The following NRXN1 variants were observed in gnomAD, a reference collection of about 807,000 sequenced individuals.
NRXN1 encodes the protein neurexin-1.
A neutral mutation model predicts 150.9 loss-of-function variants in NRXN1; 39 were observed. That is an observed-to-expected ratio of 0.26 (90% CI 0.20 to 0.34). The LOEUF (loss-of-function observed/expected upper bound fraction) is 0.34. NRXN1 is among the 10% of genes least tolerant of loss of function. The pLI is 1.00. For synonymous variants in NRXN1, 924 were observed against 757.0 expected, an observed-to-expected ratio of 1.22 and a Z score of -3.62; for missense variants, 1,815 against 1,949.9, an observed-to-expected ratio of 0.93 and a Z score of 1.30.
At chr2:50,181,326 A>G (rs568413786) in intron 18 of NRXN1, among the ~76,000 whole-genome samples, 2 of 151,582 alleles carry the variant, frequency 1.3e-5, no homozygotes, top group Non-Finnish European at 2.9e-5. Context: ...AAAAAAAAAT[A>G]CCCTGTTTAT....
In NRXN1 at chr2:50,069,865, T is replaced by G. The variant is rs992566849; in HGVS notation, c.3719-14821A>C. Among the ~76,000 whole-genome samples the G allele has an allele frequency of 3.7e-4, 56 of 150,654 alleles. 1 individual carries two copies. The East Asian group carries it at 0.01, about 28-fold the overall frequency. On this transcript the variant is annotated intron_variant, in intron 19 of 22. Transcript: ENST00000401669. ...TTTGGGGGTTTTTTTTTTTTTTTTT[T>G]TTTGAGACAGAGTCTCGCTCTGTCA...
chr2:50,758,067 G>T (rs1574371742), intron 5 of NRXN1: 1 of 151,790 alleles, frequency 6.6e-6, no homozygotes, highest in African/African-American at 2.4e-5. Flanking sequence ...CTTTATTGAA[G>T]ATATGTCTGG....
intron 21 of NRXN1, among the ~76,000 whole-genome samples, chr2:50,029,011 A>T (rs1185110688): frequency 6.6e-6 from 1 of 152,208 alleles, no homozygotes; most frequent in Non-Finnish European, 1.5e-5. Flanking sequence ...TTTTCCCCAA[A>T]TTCATATGTT....
intron 17 of NRXN1, among the ~76,000 whole-genome samples, chr2:50,449,165 T>G (rs1047916713): frequency 6.6e-6 from 1 of 152,196 alleles, no homozygotes; most frequent in Non-Finnish European, 1.5e-5. Context: ...GACGCAGGAA[T>G]GCAGGAATTG....
At chr2:50,289,246 CA>C (rs1372768420) in intron 17 of NRXN1, among the ~76,000 whole-genome samples, 1 of 152,094 alleles carries the variant, frequency 6.6e-6, no homozygotes, top group African/African-American at 2.4e-5. Flanking sequence ...AACTAGCCAT[CA>C]AATAAGTTGA....
intron 21 of NRXN1, among the ~76,000 whole-genome samples, chr2:50,003,218 A>T (rs1042800249): frequency 6.6e-6 from 1 of 152,106 alleles, no homozygotes; most frequent in Non-Finnish European, 1.5e-5. Context: ...CTGTACCTAC[A>T]ACAGGTACAG....
intron 5 of NRXN1, among the ~76,000 whole-genome samples, chr2:50,650,278 T>C (rs1685420018): frequency 6.6e-6 from 1 of 152,022 alleles, no homozygotes; most frequent in South Asian, 2.1e-4. Context: ...ATATACATGA[T>C]AAAACATGAT....
intron 17 of NRXN1, among the ~76,000 whole-genome samples, chr2:50,423,719 G>A (rs971161859): frequency 2.6e-5 from 4 of 152,150 alleles, no homozygotes; most frequent in Non-Finnish European, 4.4e-5. Flanking sequence ...TGGTGATGGA[G>A]AGACACATGA....
intron 5 of NRXN1, among the ~76,000 whole-genome samples, chr2:50,642,258 A>G (rs1432906868): frequency 3.3e-5 from 5 of 152,066 alleles, no homozygotes. Context: ...GATATTTACA[A>G]TGCAAAGGGG....
At chr2:50,776,167 G>A (rs1330732430) in intron 5 of NRXN1, among the ~76,000 whole-genome samples, 1 of 151,990 alleles carries the variant, frequency 6.6e-6, no homozygotes, top group Non-Finnish European at 1.5e-5. Context: ...CAATTCCAGG[G>A]AAAACTTACA....
intron 17 of NRXN1, among the ~76,000 whole-genome samples, chr2:50,360,542 C>A (rs774913858): frequency 9.9e-5 from 15 of 152,134 alleles, no homozygotes; most frequent in Non-Finnish European, 1.8e-4. Context: ...GTAAAGGAAT[C>A]AATGCAACAA....
At chr2:50,594,239 T>C (rs1674781598) in intron 8 of NRXN1, among the ~76,000 whole-genome samples, 1 of 152,234 alleles carries the variant, frequency 6.6e-6, no homozygotes, top group Non-Finnish European at 1.5e-5. Context: ...ACTATAGATA[T>C]TCCCATACGG....
chr2:50,182,628 G>C (rs2060806441), intron 18 of NRXN1, among the ~76,000 whole-genome samples: 1 of 151,992 alleles, frequency 6.6e-6, no homozygotes, highest in African/African-American at 2.4e-5. Context: ...AGTGGCCCTG[G>C]TTGTCTTAAA....
intron 17 of NRXN1, among the ~76,000 whole-genome samples, chr2:50,287,534 T>C (rs2072353294): frequency 1.3e-5 from 2 of 151,988 alleles, no homozygotes; most frequent in African/African-American, 4.8e-5. Context: ...GCAAGTCTTA[T>C]TTCCCTAAGA....
At chr2:50,477,847 G>A (rs1426936854) in intron 15 of NRXN1, among the ~76,000 whole-genome samples, 1 of 152,188 alleles carries the variant, frequency 6.6e-6, no homozygotes, top group Non-Finnish European at 1.5e-5. Context: ...TAGAGAAAGT[G>A]CAATTCTAGA....
At chr2:50,683,884 T>C (rs1690838943) in intron 5 of NRXN1, among the ~76,000 whole-genome samples, 1 of 151,002 alleles carries the variant, frequency 6.6e-6, no homozygotes, top group African/African-American at 2.4e-5. Context: ...TTCAAAATGG[T>C]AAAAGGAGCA....
At chr2:49,946,498 G>A (rs1672917577) in intron 21 of NRXN1, among the ~76,000 whole-genome samples, 2 of 151,958 alleles carry the variant, frequency 1.3e-5, no homozygotes, top group African/African-American at 4.8e-5. Flanking sequence ...TTTCTTCTAG[G>A]GTTTTTTATG....
chr2:50,347,271 T>C lies in NRXN1; in HGVS notation c.3365-110301A>G, dbSNP rs200945537. On this transcript the variant is annotated intron_variant, in intron 17 of 22. Coordinates refer to ENST00000401669, the MANE Select transcript of NRXN1 (RefSeq NM_001330078.2). The surrounding 1 kb of genome is among the most constrained non-coding windows in gnomAD (Gnocchi z 4.9). ...TCCAGGGCTCCAGGTTCTCGAGAGA[T>C]ACTCCCAAAGAGTTTCGGGCGAGAG... 6.9e-6 allele frequency: 9 copies of C among 1,308,472 alleles called. No individual in the cohort carries two copies. Among genetic ancestry groups the C allele is most frequent in the Non-Finnish European group, 9.0e-6 (9 of 1,002,548 alleles). 81.1% of individuals were successfully genotyped at this position (1,308,472 alleles called of 1,614,324 possible).
At chr2:50,506,346 T>C (rs565594980) in intron 13 of NRXN1, 149 bp downstream of exon 13, 8 of 637,836 alleles carry the variant, frequency 1.3e-5, no homozygotes, top group South Asian at 4.2e-5. Flanking sequence ...GCTTATTTAA[T>C]AAAATAGTTA....
Sources: allele counts gnomAD v4.1 joint callset (sites outside exome capture counted in the v4.1 genomes callset), GRCh38; gene constraint gnomAD v4.1.1; non-coding constraint Gnocchi (gnomAD v3.1); transcripts MANE v1.5; gene names NCBI Gene and HGNC (gene_info 2026-07-23, HGNC 2026-07-21).